LCORL: variants seen among roughly 807,000 people sequenced by gnomAD.
LCORL encodes ligand dependent nuclear receptor corepressor like, also known as ligand-dependent nuclear receptor corepressor-like protein.
A neutral mutation model predicts 141.8 loss-of-function variants in LCORL; 41 were observed. The observed-to-expected ratio is 0.29, with a 90% CI of 0.23 to 0.38. LCORL has a LOEUF of 0.38. Ranked by LOEUF, LCORL falls within the 10% of genes least tolerant of loss-of-function variation. The probability of loss-of-function intolerance (pLI) is 1.00; values close to 1 mark genes in which losing one functional copy is unlikely to be tolerated. For synonymous variants in LCORL, 618 were observed against 694.1 expected (o/e 0.89, Z 1.72); for missense variants, 1,759 against 2,035.0 (o/e 0.86, Z 2.61).
At chr4:18,011,213 T>C (rs1723715948) in intron 1 of LCORL, among the ~76,000 whole-genome samples, 1 of 152,082 alleles carries the variant, frequency 6.6e-6, no homozygotes, top group African/African-American at 2.4e-5. Flanking sequence ...ATCTTTCTCC[T>C]TGTTTTATTT....
chr4:17,892,719 T>C (rs951651645), intron 5 of LCORL, among the ~76,000 whole-genome samples: 1 of 152,196 alleles, frequency 6.6e-6, no homozygotes, highest in African/African-American at 2.4e-5. Context: ...AAAATAAGGC[T>C]TCAACATTTC....
intron 1 of LCORL, among the ~76,000 whole-genome samples, chr4:17,998,988 ATATATATATATATATACACAC>A (rs1560464166): frequency 1.5e-4 from 8 of 53,952 alleles, no homozygotes; most frequent in African/African-American, 4.6e-4. Flanking sequence ...AAAAAAAAAT[ATATATATATATATATACACAC>A]ATATATATAT....
At chr4:17,898,818 G>C (rs899751225) in intron 5 of LCORL, among the ~76,000 whole-genome samples, 1 of 152,104 alleles carries the variant, frequency 6.6e-6, no homozygotes, top group Non-Finnish European at 1.5e-5. Flanking sequence ...ATTTGTGCAG[G>C]TGTAATTAAA....
chr4:17,846,009 G>T, intron 7 of LCORL, 108 bp from the exon 8 acceptor site: 2 of 841,388 alleles, frequency 2.4e-6, no homozygotes, highest in Admixed American at 2.5e-5. Flanking sequence ...CTAAATTTTA[G>T]CATACATAAA....
rs143670453 is a variant in LCORL at position 17,939,879 on chromosome 4, T to TACACACACACACACACACAC, written c.430+22023_430+22024insGTGTGTGTGTGTGTGTGTGT. The stretch of plus-strand genomic sequence containing the variant: ...CCTGGGGAAAAGGAATAGGTACATG[T>TACACACACACACACACACAC]ACACACACACACACATATATGTATA... On this transcript the variant is annotated intron_variant, in intron 4 of 7. Coordinates refer to ENST00000635767, the Ensembl canonical transcript of LCORL. Among the ~76,000 whole-genome samples, 187 of 147,866 alleles carry TACACACACACACACACACAC rather than the reference T, an allele frequency of 1.3e-3. 1 individual carries two copies. Among genetic ancestry groups the TACACACACACACACACACAC allele is most frequent in the Middle Eastern group, 7.1e-3 (2 of 280 alleles).
chr4:18,018,956 T>C (rs1190981611), intron 1 of LCORL, among the ~76,000 whole-genome samples: 1 of 152,178 alleles, frequency 6.6e-6, no homozygotes, highest in African/African-American at 2.4e-5. Flanking sequence ...ATAAATATGT[T>C]TATAAAGTAA....
At chr4:18,011,876 A>C (rs951595867) in intron 1 of LCORL, among the ~76,000 whole-genome samples, 1 of 152,210 alleles carries the variant, frequency 6.6e-6, no homozygotes, top group Non-Finnish European at 1.5e-5. Flanking sequence ...TTTGAAGCCT[A>C]GTCATTTTGA....
intron 4 of LCORL, among the ~76,000 whole-genome samples, chr4:17,958,016 A>G (rs1308879087): frequency 1.3e-5 from 2 of 151,998 alleles, no homozygotes; most frequent in Non-Finnish European, 2.9e-5. Flanking sequence ...ATCAGTCATA[A>G]CCCAACTGGT....
intron 2 of LCORL, among the ~76,000 whole-genome samples, chr4:17,970,118 G>C (rs1715655618): frequency 6.6e-6 from 1 of 152,138 alleles, no homozygotes; most frequent in South Asian, 2.1e-4. Flanking sequence ...AGGATCCTTA[G>C]AGATACTTTG....
At chr4:18,004,147 T>G (rs1041101192) in intron 1 of LCORL, among the ~76,000 whole-genome samples, 1 of 152,230 alleles carries the variant, frequency 6.6e-6, no homozygotes, top group Non-Finnish European at 1.5e-5. Context: ...TAAGACAAAC[T>G]AGCAAATAGC....
intron 5 of LCORL, among the ~76,000 whole-genome samples, chr4:17,906,926 C>T (rs1266564538): frequency 1.3e-5 from 2 of 152,152 alleles, no homozygotes; most frequent in East Asian, 3.9e-4. Flanking sequence ...TCGTGATCCA[C>T]CCACCTCAGC....
At chr4:17,933,282 T>C (rs1736342267) in intron 4 of LCORL, among the ~76,000 whole-genome samples, 1 of 152,168 alleles carries the variant, frequency 6.6e-6, no homozygotes, top group African/African-American at 2.4e-5. Flanking sequence ...TTCCACTATT[T>C]TGTTTTCTTC....
intron 1 of LCORL, among the ~76,000 whole-genome samples, chr4:18,018,622 C>A (rs191056953): frequency 1.3e-5 from 2 of 152,210 alleles, no homozygotes; most frequent in East Asian, 3.9e-4. Flanking sequence ...CAACTTTCTA[C>A]CCTATAAAAT....
rs1028086019 is a variant in LCORL, at chr4:17,876,491, T to C, written c.2499A>G (p.Leu833=). The C allele has an allele frequency of 4.1e-6, 5 of 1,230,870 alleles. No homozygotes were observed. The African/African-American group carries it at 7.8e-5, about 19-fold the overall frequency. 76.2% of individuals were successfully genotyped at this position (1,230,870 alleles called of 1,614,324 possible). A position where few individuals can be genotyped will look rare whatever the true frequency, so the allele number is the denominator to read the frequency against. Residue 833 remains leucine (L), a synonymous_variant, in exon 7 of 8, where the codon TTA becomes TTG. Transcript: ENST00000635767. ...CTTCCAAACGCTTCACAACCACTTG[T>C]AAATTAGAATTCATTGCAATTTTGT...
intron 7 of LCORL, among the ~76,000 whole-genome samples, chr4:17,859,418 T>A (rs1193154820): frequency 1.3e-5 from 2 of 152,008 alleles, no homozygotes; most frequent in Non-Finnish European, 1.5e-5. Flanking sequence ...TCAGGAAAAA[T>A]ATATTTTTAA....
At chr4:17,869,065 G>C (rs1320635898) in intron 7 of LCORL, among the ~76,000 whole-genome samples, 1 of 112,016 alleles carries the variant, frequency 8.9e-6, no homozygotes, top group African/African-American at 3.3e-5. Context: ...TTTTTTTTTA[G>C]AGAAAAGTGA....
At chr4:17,911,626 C>T (rs767790722) in intron 4 of LCORL, 35 of 414,886 alleles carry the variant, frequency 8.4e-5, no homozygotes, top group Non-Finnish European at 1.2e-4. Flanking sequence ...ATAACTTGGT[C>T]GTTGGCAAAG....
intron 7 of LCORL, among the ~76,000 whole-genome samples, chr4:17,850,704 G>A (rs531155007): frequency 8.7e-4 from 132 of 151,406 alleles, no homozygotes; most frequent in African/African-American, 3.1e-3. Context: ...TTCAACCATT[G>A]TGGAAGTCAG....
chr4:17,945,966 A>G (rs1203740798), intron 4 of LCORL, among the ~76,000 whole-genome samples: 1 of 152,038 alleles, frequency 6.6e-6, no homozygotes, highest in African/African-American at 2.4e-5. Context: ...TTAAAAAGAA[A>G]TAAGAAATAG....
Sources: allele counts gnomAD v4.1 joint callset (sites outside exome capture counted in the v4.1 genomes callset), GRCh38; gene constraint gnomAD v4.1.1; transcripts MANE v1.5; gene names NCBI Gene and HGNC (gene_info 2026-07-23, HGNC 2026-07-21).